Variants in PTPRN2 observed in about 807,000 individuals in gnomAD.
The protein encoded by PTPRN2 is receptor-type tyrosine-protein phosphatase N2.
PTPRN2 carries 74 observed loss-of-function variants against 118.8 expected under a neutral mutation model. That is an observed-to-expected ratio of 0.62 (90% CI 0.52 to 0.76). PTPRN2 has a LOEUF of 0.76. Among genes scored for constraint, PTPRN2 ranks in the 30% least tolerant of loss-of-function variants. The pLI is 0.00. For synonymous variants in PTPRN2, 641 were observed against 608.0 expected (o/e 1.05, Z -0.80); for missense variants, 1,481 against 1,394.4 (o/e 1.06, Z -0.99).
At chr7:158,495,365 G>C (rs1032963040) in intron 1 of PTPRN2, among the ~76,000 whole-genome samples, 9 of 152,194 alleles carry the variant, frequency 5.9e-5, no homozygotes, top group Admixed American at 3.9e-4. Flanking sequence ...TCTGGAGAGA[G>C]AGCAGGGTGC....
chr7:157,649,046 C>T (rs1403637881), intron 14 of PTPRN2, among the ~76,000 whole-genome samples: 1 of 139,146 alleles, frequency 7.2e-6, no homozygotes, highest in Non-Finnish European at 1.5e-5. Context: ...TGGGTTGGAC[C>T]CATCCAGCGT....
intron 3 of PTPRN2, among the ~76,000 whole-genome samples, chr7:158,228,640 T>A (rs1368964810): frequency 6.6e-6 from 1 of 151,170 alleles, no homozygotes; most frequent in Non-Finnish European, 1.5e-5. Flanking sequence ...ACACAGAAAA[T>A]TGAAAACACC....
rs368863150 is a variant in PTPRN2 at position 158,110,902 on chromosome 7, C to T, written c.1570G>A (p.Glu524Lys). 24 of 1,569,206 alleles carry T rather than the reference C, an allele frequency of 1.5e-5. No individual in the cohort carries two copies. Among genetic ancestry groups the T allele is most frequent in the Non-Finnish European group, 2.0e-5 (23 of 1,158,040 alleles). ...IVTDRDPLRPEEGRRLVEDVA... is the reference protein window; with the variant it reads ...IVTDRDPLRPKEGRRLVEDVA... Reference sequence around the variant, plus strand: ...TCCTCCACCAGCCGCCTTCCTTCCTCGGGGCGCAGGGGGCTGCGGATGACA... The same window carrying T: ...TCCTCCACCAGCCGCCTTCCTTCCTTGGGGCGCAGGGGGCTGCGGATGACA... The change falls in exon 10 of 23, where the codon GAG becomes AAG. Residue 524 changes from glutamate to lysine, a missense_variant. Glu to Lys is a moderately conservative substitution (Grantham distance 56, BLOSUM62 1). This residue lies in a region of PTPRN2 where 1,115 missense variants were observed against 994.2 expected (regional missense o/e 1.12). Coordinates refer to ENST00000389418, the MANE Select transcript of PTPRN2 (RefSeq NM_002847.5).
At chr7:158,257,627 A>G (rs1797116228) in intron 3 of PTPRN2, among the ~76,000 whole-genome samples, 1 of 152,144 alleles carries the variant, frequency 6.6e-6, no homozygotes, top group Non-Finnish European at 1.5e-5. Flanking sequence ...CTGAGCCCCC[A>G]GGCTTCAAGC....
chr7:158,143,897 C>T (rs116630625), intron 6 of PTPRN2, among the ~76,000 whole-genome samples: 216 of 152,270 alleles, frequency 1.4e-3, no homozygotes, highest in African/African-American at 4.4e-3. Context: ...CTGTAGACAC[C>T]GCCTTCCTGA....
At chr7:158,262,804 CTA>C (rs1048388674) in intron 3 of PTPRN2, among the ~76,000 whole-genome samples, 7 of 145,280 alleles carry the variant, frequency 4.8e-5, no homozygotes, top group Non-Finnish European at 9.0e-5. Flanking sequence ...CATTCACACA[CTA>C]CACACATTCA....
At chr7:157,679,210 C>A (rs1379184329) in intron 13 of PTPRN2, among the ~76,000 whole-genome samples, 1 of 151,916 alleles carries the variant, frequency 6.6e-6, no homozygotes, top group Non-Finnish European at 1.5e-5. Flanking sequence ...AGAATTAATC[C>A]AAATATATCA....
At chr7:158,535,989 G>A (rs972363390) in intron 1 of PTPRN2, among the ~76,000 whole-genome samples, 3 of 149,314 alleles carry the variant, frequency 2.0e-5, no homozygotes, top group Non-Finnish European at 4.4e-5. Flanking sequence ...AAAAGGTTGG[G>A]ACCTTACTAA....
At chr7:158,113,380 G>A (rs1196813125) in intron 9 of PTPRN2, among the ~76,000 whole-genome samples, 3 of 152,172 alleles carry the variant, frequency 2.0e-5, no homozygotes, top group Admixed American at 6.5e-5. Context: ...TGTTAAGCTG[G>A]AAGACGTCTA....
At chr7:158,408,594 T>G (rs1813779377) in intron 2 of PTPRN2, among the ~76,000 whole-genome samples, 1 of 152,150 alleles carries the variant, frequency 6.6e-6, no homozygotes, top group African/African-American at 2.4e-5. Context: ...ATCAAAATCA[T>G]AAAACAAGCA....
chr7:158,132,550 A>G (rs928702312), intron 9 of PTPRN2, among the ~76,000 whole-genome samples: 7 of 150,442 alleles, frequency 4.7e-5, no homozygotes, highest in Non-Finnish European at 8.9e-5. Context: ...ACACACATGC[A>G]TACACAGACA....
At chr7:158,259,285 G>C (rs141601910) in intron 3 of PTPRN2, among the ~76,000 whole-genome samples, 345 of 152,336 alleles carry the variant, frequency 2.3e-3, no homozygotes, top group African/African-American at 7.8e-3. Flanking sequence ...AGGGCCATGG[G>C]AGCAGGCAGG....
Position 157,808,957 on chromosome 7 carries a change from A to G in PTPRN2, c.1788+89716T>C, listed in dbSNP as rs1321278971. Among the ~76,000 whole-genome samples the G allele has an allele frequency of 1.3e-5, 2 of 151,992 alleles. No homozygotes were observed. Among genetic ancestry groups the G allele is most frequent in the Non-Finnish European group, 2.9e-5 (2 of 68,018 alleles). ...ACTTGCTTTTATGTGGAATGTGGGC[A>G]GTTCTTAAAACTTTATTTTAATGCA... On this transcript the variant is annotated intron_variant, in intron 12 of 22. Coordinates refer to ENST00000389418, the MANE Select transcript of PTPRN2 (RefSeq NM_002847.5). This position sits in a 1 kb window ranked among gnomAD's most constrained non-coding sequence, Gnocchi z 5.0.
intron 12 of PTPRN2, among the ~76,000 whole-genome samples, chr7:157,759,631 T>C (rs1802015460): frequency 6.6e-6 from 1 of 152,250 alleles, no homozygotes; most frequent in Non-Finnish European, 1.5e-5. Flanking sequence ...CGGGGCGGCC[T>C]GGCTTTTTAT....
At chr7:158,054,109 C>T (rs992530628) in intron 11 of PTPRN2, among the ~76,000 whole-genome samples, 2 of 151,942 alleles carry the variant, frequency 1.3e-5, no homozygotes, top group Non-Finnish European at 2.9e-5. Context: ...GACGGAGAGA[C>T]CCCAGAGATG....
chr7:158,479,462 C>A (rs1820507149), intron 2 of PTPRN2, among the ~76,000 whole-genome samples: 1 of 152,192 alleles, frequency 6.6e-6, no homozygotes, highest in African/African-American at 2.4e-5. Flanking sequence ...TCTCCATTTT[C>A]ATGATTAGCA....
intron 12 of PTPRN2, among the ~76,000 whole-genome samples, chr7:157,834,851 CG>C (rs1434937126): frequency 6.6e-6 from 1 of 152,172 alleles, no homozygotes; most frequent in Non-Finnish European, 1.5e-5. Flanking sequence ...ATAAGAGCAC[CG>C]GACCCAGCTT....
intron 3 of PTPRN2, among the ~76,000 whole-genome samples, chr7:158,293,125 A>C (rs1275766337): frequency 6.6e-6 from 1 of 152,146 alleles, no homozygotes; most frequent in Non-Finnish European, 1.5e-5. Flanking sequence ...TGGAGCCTGC[A>C]GGACTGAAAT....
At chr7:158,457,385 C>T (rs929106215) in intron 2 of PTPRN2, among the ~76,000 whole-genome samples, 4 of 152,228 alleles carry the variant, frequency 2.6e-5, no homozygotes, top group East Asian at 1.9e-4. Flanking sequence ...CAGGTGTCTA[C>T]CCTGGCCTTG....
Sources: gnomAD v4.1 joint callset for allele counts (sites outside exome capture counted in the v4.1 genomes callset) on GRCh38, gnomAD v4.1.1 for gene constraint, gnomAD v4.1.1 regional missense constraint, Gnocchi (gnomAD v3.1) non-coding constraint, MANE v1.5 for transcripts, NCBI Gene and HGNC (gene_info 2026-07-23, HGNC 2026-07-21) for gene names.